The following GPATCH8 variants were observed in gnomAD, a reference collection of about 807,000 sequenced individuals.
GPATCH8 encodes the protein G patch domain-containing protein 8.
In GPATCH8, 18 loss-of-function variants were observed where a neutral mutation model predicts 118.3. The observed-to-expected ratio is 0.15, with a 90% confidence interval of 0.11 to 0.23. GPATCH8 has a LOEUF of 0.23. Among genes scored for constraint, GPATCH8 ranks in the 10% least tolerant of loss-of-function variants. The probability of loss-of-function intolerance (pLI) is 1.00; values close to 1 mark genes in which losing one functional copy is unlikely to be tolerated. For missense variants in GPATCH8, 1,631 were observed against 1,873.8 expected, an observed-to-expected ratio of 0.87 and a Z score of 2.39; for synonymous variants, 659 against 684.7, an observed-to-expected ratio of 0.96 and a Z score of 0.59.
chr17:44,465,020 G>GT (rs1423814855), intron 2 of GPATCH8: 2 of 154,976 alleles, frequency 1.3e-5, no homozygotes, highest in Non-Finnish European at 2.8e-5. Flanking sequence ...AGTTATAAGT[G>GT]TAAGACTGCC....
chr17:44,406,265 C>T (rs2049217391), intron 6 of GPATCH8, among the ~76,000 whole-genome samples: 1 of 152,140 alleles, frequency 6.6e-6, no homozygotes, highest in African/African-American at 2.4e-5. Context: ...GACAGCATAT[C>T]ATTTGCTTTA....
chr17:44,482,671 T>C (rs1968366207), intron 1 of GPATCH8, among the ~76,000 whole-genome samples: 1 of 151,230 alleles, frequency 6.6e-6, no homozygotes, highest in Non-Finnish European at 1.5e-5. Context: ...CAAACCTGCA[T>C]GTTTTGCACA....
Position 44,399,096 on chromosome 17 carries a change from C to T in GPATCH8, c.2981G>A (p.Arg994His), listed in dbSNP as rs185060531. The change falls in exon 8 of 8, where the codon CGC (arginine) becomes CAC (histidine). Residue 994 changes from arginine (R) to histidine (H), a missense_variant. Transcript: ENST00000591680. ...RSRSYSRDRS[R>H]STRSPSQRSG... ...TCTCTGGGAAGGGCTCCTGGTGCTGCGGCTGCGGTCCCGGCTATAGCTCCG... is the reference window on the plus strand; with the variant it reads ...TCTCTGGGAAGGGCTCCTGGTGCTGTGGCTGCGGTCCCGGCTATAGCTCCG... The T allele has an allele frequency of 3.0e-4, 480 of 1,613,788 alleles. No individual in the cohort carries two copies. The highest frequency in any genetic ancestry group is 1.1e-4 in the Non-Finnish European group (135 of 1,179,830).
chr17:44,500,267 T>C (rs949978012), intron 1 of GPATCH8, among the ~76,000 whole-genome samples: 3 of 152,214 alleles, frequency 2.0e-5, no homozygotes, highest in South Asian at 4.1e-4. Context: ...TGTAATTGGC[T>C]AAGTTACTTA....
intron 2 of GPATCH8, among the ~76,000 whole-genome samples, chr17:44,467,959 T>C (rs1174815873): frequency 1.3e-5 from 2 of 152,022 alleles, no homozygotes; most frequent in Non-Finnish European, 2.9e-5. Flanking sequence ...CTATTCTCTC[T>C]GTTAACGACT....
At chr17:44,450,308 G>T (rs2051065865) in intron 3 of GPATCH8, among the ~76,000 whole-genome samples, 1 of 152,200 alleles carries the variant, frequency 6.6e-6, no homozygotes, top group Non-Finnish European at 1.5e-5. Flanking sequence ...AATTTTAGAA[G>T]ATCCAGCAAC....
intron 3 of GPATCH8, among the ~76,000 whole-genome samples, chr17:44,449,675 C>G (rs575397121): frequency 9.2e-5 from 14 of 151,960 alleles, no homozygotes; most frequent in African/African-American, 3.1e-4. Flanking sequence ...CACCACAACG[C>G]CCGGCTAATT....
chr17:44,396,982 G>C lies in GPATCH8; in HGVS notation c.*586C>G. ...GTGTGGCTCCGTTGATGTGGGAACT[G>C]GATGGAATTGCAGCCTGAGTTATAT... On this transcript the variant is annotated 3_prime_UTR_variant, in exon 8 of 8. Coordinates refer to ENST00000591680, the MANE Select transcript of GPATCH8 (RefSeq NM_001002909.4). 1 of 451,102 alleles carries C rather than the reference G, an allele frequency of 2.2e-6. No homozygotes were observed. The highest frequency in any genetic ancestry group is 4.4e-6 in the Non-Finnish European group (1 of 226,776). The allele number at this position is 451,102 out of a possible 1,614,324, so 27.9% of individuals were successfully genotyped here. A position where few individuals can be genotyped will look rare whatever the true frequency, so the allele number is the denominator to read the frequency against.
intron 6 of GPATCH8, among the ~76,000 whole-genome samples, chr17:44,420,421 A>C (rs1190841450): frequency 6.6e-6 from 1 of 152,224 alleles, no homozygotes; most frequent in Non-Finnish European, 1.5e-5. Flanking sequence ...CAGCACTATT[A>C]ACTGCCATTT....
At chr17:44,493,001 C>T (rs185153490) in intron 1 of GPATCH8, among the ~76,000 whole-genome samples, 2 of 150,690 alleles carry the variant, frequency 1.3e-5, no homozygotes, top group Admixed American at 6.6e-5. Context: ...TCATAAATGA[C>T]CAATTAAACC....
chr17:44,440,902 G>C (rs1370544882), intron 3 of GPATCH8, among the ~76,000 whole-genome samples: 3 of 152,148 alleles, frequency 2.0e-5, no homozygotes, highest in Non-Finnish European at 2.9e-5. Flanking sequence ...CCAGGCTGGA[G>C]TGCAGTGACG....
chr17:44,462,815 T>C (rs1002856696), intron 3 of GPATCH8, among the ~76,000 whole-genome samples: 10 of 152,002 alleles, frequency 6.6e-5, no homozygotes, highest in African/African-American at 2.4e-4. Flanking sequence ...ACCCCGTCTC[T>C]ATAAAAATAC....
intron 7 of GPATCH8, among the ~76,000 whole-genome samples, chr17:44,402,394 C>T (rs1023455392): frequency 1.4e-5 from 2 of 147,504 alleles, no homozygotes; most frequent in Admixed American, 6.8e-5. Flanking sequence ...TACTATGTTT[C>T]TGATCTCATT....
chr17:44,476,483 G>A (rs1034600072), intron 1 of GPATCH8, among the ~76,000 whole-genome samples: 1 of 152,150 alleles, frequency 6.6e-6, no homozygotes, highest in Non-Finnish European at 1.5e-5. Context: ...GGGATTACAG[G>A]CGTGAGCCAC....
chr17:44,422,595 T>G (rs1426678388), intron 6 of GPATCH8, among the ~76,000 whole-genome samples: 1 of 151,868 alleles, frequency 6.6e-6, no homozygotes, highest in Non-Finnish European at 1.5e-5. Context: ...GTTCACGCCA[T>G]TCTCCTGCCT....
chr17:44,503,282 T>C (rs1389963518), intron 1 of GPATCH8, 44 bp downstream of exon 1: 1 of 1,559,594 alleles, frequency 6.4e-7, no homozygotes, highest in Admixed American at 1.8e-5. Context: ...GGTTCTGGGC[T>C]AGACCAGCGC....
Position 44,401,455 on chromosome 17 carries a change from T to C in GPATCH8, c.624-2A>G, listed in dbSNP as rs755029080. Reference sequence around the variant, plus strand: ...AACATGGGACCACTTCCAGGTGCACTACATGATGATTTAGAAAAATAAAAA... The same window carrying C: ...AACATGGGACCACTTCCAGGTGCACCACATGATGATTTAGAAAAATAAAAA... On this transcript the variant is annotated splice_acceptor_variant, in intron 7 of 7. Coordinates refer to ENST00000591680, the MANE Select transcript of GPATCH8 (RefSeq NM_001002909.4). LOFTEE classifies it high-confidence loss of function. 1 of 1,582,838 alleles carries C rather than the reference T, an allele frequency of 6.3e-7. No individual in the cohort carries two copies. The highest frequency in any genetic ancestry group is 8.7e-7 in the Non-Finnish European group (1 of 1,151,534).
chr17:44,502,788 G>A (rs1970187124), intron 1 of GPATCH8, among the ~76,000 whole-genome samples: 2 of 152,128 alleles, frequency 1.3e-5, no homozygotes, highest in Admixed American at 1.3e-4. Flanking sequence ...TAACCAATAA[G>A]GCGTCTGATA....
At chr17:44,402,724 G>C (rs999059241) in intron 7 of GPATCH8, among the ~76,000 whole-genome samples, 6 of 152,306 alleles carry the variant, frequency 3.9e-5, no homozygotes, top group African/African-American at 1.2e-4. Context: ...ACTTATGGCA[G>C]TCTGTGGTCA....
Sources: gnomAD v4.1 joint callset for allele counts (sites outside exome capture counted in the v4.1 genomes callset) on GRCh38, gnomAD v4.1.1 for gene constraint, MANE v1.5 for transcripts, NCBI Gene and HGNC (gene_info 2026-07-23, HGNC 2026-07-21) for gene names.